The following CELF4 variants were observed in gnomAD, a reference collection of about 807,000 sequenced individuals.
CELF4 encodes CUGBP Elav-like family member 4.
Under a neutral mutation model 59.9 loss-of-function variants are expected in CELF4, and 18 were observed. The ratio of observed to expected loss-of-function variants is 0.30; its 90% CI spans 0.21 to 0.45. The LOEUF (loss-of-function observed/expected upper bound fraction) is 0.45, where lower values mean the gene tolerates loss of function less well. CELF4 is among the 20% of genes least tolerant of loss of function. The pLI is 1.00. For missense variants in CELF4, 456 were observed against 689.0 expected (o/e 0.66, Z 3.79); for synonymous variants, 261 against 267.1 (o/e 0.98, Z 0.22).
At chr18:37,313,668 A>G (rs2096757259) in intron 3 of CELF4, among the ~76,000 whole-genome samples, 1 of 152,230 alleles carries the variant, frequency 6.6e-6, no homozygotes, top group East Asian at 1.9e-4. Context: ...GGGCCCTTGA[A>G]GCCCTTGCAG....
chr18:37,556,627 A>G, intron 1 of CELF4, among the ~76,000 whole-genome samples: 1 of 152,244 alleles, frequency 6.6e-6, no homozygotes, highest in East Asian at 1.9e-4. Context: ...CAGGGTCAGT[A>G]GCCTCTATCA....
chr18:37,397,744 G>C (rs2099262808), intron 2 of CELF4, among the ~76,000 whole-genome samples: 2 of 152,226 alleles, frequency 1.3e-5, no homozygotes, highest in Non-Finnish European at 2.9e-5. Flanking sequence ...AAGCTTGTGA[G>C]GTGGGTATGT....
At chr18:37,470,646 A>G (rs764337760) in intron 2 of CELF4, among the ~76,000 whole-genome samples, 1 of 152,172 alleles carries the variant, frequency 6.6e-6, no homozygotes, top group Non-Finnish European at 1.5e-5. Flanking sequence ...GGAGGGAAAC[A>G]TAATTGCAGA....
intron 1 of CELF4, chr18:37,528,907 G>A (rs1286183043): frequency 6.6e-6 from 1 of 152,086 alleles, no homozygotes; most frequent in Admixed American, 6.5e-5. Flanking sequence ...TCTGTAAATT[G>A]GTAACTTGGA....
intron 2 of CELF4, among the ~76,000 whole-genome samples, chr18:37,470,253 T>C (rs1362383227): frequency 6.6e-6 from 1 of 152,224 alleles, no homozygotes; most frequent in Non-Finnish European, 1.5e-5. Flanking sequence ...GTTGTCAACC[T>C]AAGACCAGTG....
chr18:37,380,882 C>G (rs2099032025), intron 2 of CELF4, among the ~76,000 whole-genome samples: 1 of 151,458 alleles, frequency 6.6e-6, no homozygotes, highest in African/African-American at 2.4e-5. Context: ...ATCAATCAAT[C>G]CAGTATCCAT....
chr18:37,443,803 G>A (rs1030475497), intron 2 of CELF4, among the ~76,000 whole-genome samples: 7 of 152,252 alleles, frequency 4.6e-5, no homozygotes, highest in East Asian at 3.9e-4. Flanking sequence ...TCCCTTTTGC[G>A]CATAATTCAT....
intron 1 of CELF4, among the ~76,000 whole-genome samples, chr18:37,516,764 G>A (rs1013014373): frequency 6.6e-6 from 1 of 152,210 alleles, no homozygotes; most frequent in Non-Finnish European, 1.5e-5. Context: ...GGCTCTGAGG[G>A]CCTTGGGCTT....
intron 1 of CELF4, among the ~76,000 whole-genome samples, chr18:37,518,699 G>A (rs1416178626): frequency 6.6e-6 from 1 of 152,188 alleles, no homozygotes; most frequent in Non-Finnish European, 1.5e-5. Context: ...TGGGGTTGGA[G>A]TGTGATTTAC....
At chr18:37,344,918 A>T (rs1219489017) in intron 2 of CELF4, among the ~76,000 whole-genome samples, 1 of 152,156 alleles carries the variant, frequency 6.6e-6, no homozygotes, top group South Asian at 2.1e-4. Flanking sequence ...AGACTCTAAG[A>T]GGGGAGTGTG....
chr18:37,509,461 A>T (rs1603643010), intron 1 of CELF4, among the ~76,000 whole-genome samples: 1 of 152,346 alleles, frequency 6.6e-6, no homozygotes, highest in Non-Finnish European at 1.5e-5. Flanking sequence ...CAGCTTTGTC[A>T]TCGGTAATGA....
At chr18:37,249,378 A>G (rs1024105917) in intron 12 of CELF4, among the ~76,000 whole-genome samples, 1 of 152,042 alleles carries the variant, frequency 6.6e-6, no homozygotes, top group African/African-American at 2.4e-5. Flanking sequence ...TGAGCCCTTC[A>G]TGGGCGTTTA....
intron 1 of CELF4, among the ~76,000 whole-genome samples, chr18:37,520,288 A>C (rs1481641943): frequency 1.3e-5 from 2 of 152,176 alleles, no homozygotes; most frequent in African/African-American, 4.8e-5. Flanking sequence ...CCAGAGGCAT[A>C]GAAACCAGGC....
At chr18:37,281,808 C>A (rs796768151) in intron 3 of CELF4, among the ~76,000 whole-genome samples, 7 of 152,170 alleles carry the variant, frequency 4.6e-5, no homozygotes, top group Admixed American at 4.6e-4. Context: ...AGTGGCCCCC[C>A]CAGGGTGCCT....
chr18:37,366,205 A>G (rs10460055), intron 2 of CELF4, among the ~76,000 whole-genome samples: 29,243 of 152,136 alleles, frequency 0.19, 3,073 homozygotes, highest in East Asian at 0.32. Flanking sequence ...GAGGCACTCA[A>G]CAGGGTAGGG....
chr18:37,479,205 T>A (rs1279607703), intron 2 of CELF4, among the ~76,000 whole-genome samples: 1 of 152,212 alleles, frequency 6.6e-6, no homozygotes, highest in Non-Finnish European at 1.5e-5. Flanking sequence ...GCTCACACCA[T>A]TGGAGCTTTT....
intron 2 of CELF4, among the ~76,000 whole-genome samples, chr18:37,372,379 G>A (rs1217596173): frequency 6.6e-6 from 1 of 152,128 alleles, no homozygotes; most frequent in Non-Finnish European, 1.5e-5. Flanking sequence ...ACTATCGCAA[G>A]GACAGAAAAC....
At chr18:37,441,077 A>G (rs2099711986) in intron 2 of CELF4, among the ~76,000 whole-genome samples, 1 of 152,122 alleles carries the variant, frequency 6.6e-6, no homozygotes, top group South Asian at 2.1e-4. Context: ...CCTTGAGATC[A>G]TTTTCAGACT....
intron 2 of CELF4, among the ~76,000 whole-genome samples, chr18:37,328,556 C>T (rs1603498968): frequency 6.6e-6 from 1 of 152,210 alleles, no homozygotes; most frequent in Admixed American, 6.5e-5. Flanking sequence ...TTCATATCTT[C>T]CCCAAACAGA....
Sources: gnomAD v4.1 joint callset for allele counts (sites outside exome capture counted in the v4.1 genomes callset) on GRCh38, gnomAD v4.1.1 for gene constraint, MANE v1.5 for transcripts, NCBI Gene and HGNC (gene_info 2026-07-23, HGNC 2026-07-21) for gene names.